The following CCDC85A variants were observed in gnomAD, a reference collection of about 807,000 sequenced individuals.
CCDC85A encodes coiled-coil domain containing 85A.
CCDC85A carries 38 observed loss-of-function variants against 50.2 expected under a neutral mutation model. The ratio of observed to expected loss-of-function variants is 0.76; its 90% CI spans 0.58 to 0.99. The LOEUF (loss-of-function observed/expected upper bound fraction) is 0.99, where lower values mean the gene tolerates loss of function less well. Among genes scored for constraint, CCDC85A ranks in the 50% least tolerant of loss-of-function variants. The pLI is 0.00. For missense variants in CCDC85A, 820 were observed against 742.0 expected (o/e 1.11, Z -1.22); for synonymous variants, 366 against 301.4 (o/e 1.21, Z -2.22).
intron 2 of CCDC85A, among the ~76,000 whole-genome samples, chr2:56,293,788 T>C (rs1267232890): frequency 1.3e-5 from 2 of 152,150 alleles, no homozygotes; most frequent in Non-Finnish European, 2.9e-5. Flanking sequence ...TGGCAATTAT[T>C]AAAAAGTCAA....
chr2:56,231,181 A>G (rs932013521), intron 2 of CCDC85A, among the ~76,000 whole-genome samples: 9 of 152,230 alleles, frequency 5.9e-5, no homozygotes, highest in African/African-American at 2.2e-4. Context: ...ACATTCTCTC[A>G]TGGAAGAATT....
intron 2 of CCDC85A, among the ~76,000 whole-genome samples, chr2:56,209,775 A>G (rs1445731928): frequency 2.6e-5 from 4 of 152,036 alleles, no homozygotes; most frequent in African/African-American, 9.7e-5. Context: ...TCATTCATTT[A>G]TTTATATATT....
At chr2:56,242,089 A>G (rs189488801) in intron 2 of CCDC85A, among the ~76,000 whole-genome samples, 2 of 152,214 alleles carry the variant, frequency 1.3e-5, no homozygotes, top group East Asian at 3.9e-4. Flanking sequence ...AGTGATGTTG[A>G]GCACCTTTTC....
rs1247264051 is a variant in CCDC85A at position 56,312,750 on chromosome 2, G to A, written c.1241-30129G>A. Among the ~76,000 whole-genome samples, 3 of 152,218 alleles carry A rather than the reference G, an allele frequency of 2.0e-5. No homozygotes were observed. In the East Asian group the frequency reaches 5.8e-4, roughly 29 times the overall value. On this transcript the variant is annotated intron_variant, in intron 2 of 5. Coordinates refer to ENST00000407595, the MANE Select transcript of CCDC85A (RefSeq NM_001080433.2). ...ACTTGGCAAAAAGGAAATACTTTCTGTGCAGCACTTTCATTTTAACATTCG... is the reference window on the plus strand; with the variant it reads ...ACTTGGCAAAAAGGAAATACTTTCTATGCAGCACTTTCATTTTAACATTCG...
intron 3 of CCDC85A, among the ~76,000 whole-genome samples, chr2:56,370,521 C>A (rs1272195719): frequency 6.6e-6 from 1 of 151,796 alleles, no homozygotes; most frequent in Non-Finnish European, 1.5e-5. Flanking sequence ...AAGATCTGGC[C>A]CCTGTTTATT....
chr2:56,241,117 G>A (rs1669238206), intron 2 of CCDC85A, among the ~76,000 whole-genome samples: 1 of 151,824 alleles, frequency 6.6e-6, no homozygotes. Flanking sequence ...ATTTTATTAT[G>A]TCTTATTGAC....
intron 2 of CCDC85A, among the ~76,000 whole-genome samples, chr2:56,245,572 C>T (rs896929577): frequency 1.3e-5 from 2 of 152,208 alleles, no homozygotes; most frequent in Non-Finnish European, 2.9e-5. Flanking sequence ...AGATAGTTGT[C>T]ACATTTGGTG....
chr2:56,250,117 G>A (rs914480108), intron 2 of CCDC85A, among the ~76,000 whole-genome samples: 6 of 152,196 alleles, frequency 3.9e-5, no homozygotes, highest in African/African-American at 1.4e-4. Context: ...AGGTTATTGT[G>A]AGAGTGAAGG....
chr2:56,250,281 G>A (rs1175344600), intron 2 of CCDC85A, among the ~76,000 whole-genome samples: 3 of 152,320 alleles, frequency 2.0e-5, no homozygotes, highest in African/African-American at 7.2e-5. Context: ...CAATAAAAAT[G>A]TGCCCTGGAC....
Position 56,184,410 on chromosome 2 carries a change from C to A in CCDC85A, c.-215C>A. On this transcript the variant is annotated 5_prime_UTR_variant, in exon 1 of 6. Coordinates refer to ENST00000407595, the MANE Select transcript of CCDC85A (RefSeq NM_001080433.2). ...TCGGCAGCAGCAAGCGGCTGGCTGC[C>A]GGGCCCTGGGGGAGCGCGGGCGCGC... is the stretch of plus-strand genomic sequence containing the variant. The A allele has an allele frequency of 1.9e-6, 1 of 532,518 alleles. No individual in the cohort carries two copies. Among genetic ancestry groups the A allele is most frequent in the Non-Finnish European group, 2.7e-6 (1 of 365,298 alleles). 33.0% of individuals were successfully genotyped at this position (532,518 alleles called of 1,614,324 possible).
chr2:56,278,073 C>G (rs1671040110), intron 2 of CCDC85A, among the ~76,000 whole-genome samples: 1 of 152,102 alleles, frequency 6.6e-6, no homozygotes, highest in South Asian at 2.1e-4. Context: ...TGGCCTAGAG[C>G]TCAGGACATT....
chr2:56,284,274 A>G (rs1020552786), intron 2 of CCDC85A, among the ~76,000 whole-genome samples: 9 of 152,132 alleles, frequency 5.9e-5, no homozygotes, highest in Non-Finnish European at 8.8e-5. Flanking sequence ...CTCTTTCTTG[A>G]TTGATATTCT....
rs1676752025 is a variant in CCDC85A at position 56,384,745 on chromosome 2, T to G, written c.*390T>G. On this transcript the variant is annotated 3_prime_UTR_variant, in exon 6 of 6. Coordinates refer to ENST00000407595, the MANE Select transcript of CCDC85A (RefSeq NM_001080433.2). ...CCTCAGTGTTTTGAATAGAGATGAC[T>G]CATTACACATAATGGTAGGAGTTTT... The G allele has an allele frequency of 6.1e-6, 1 of 164,724 alleles. No homozygotes were observed. Among genetic ancestry groups the G allele is most frequent in the Non-Finnish European group, 1.3e-5 (1 of 74,606 alleles). The allele number at this position is 164,724 out of a possible 1,614,324, so 10.2% of individuals were successfully genotyped here. A position where few individuals can be genotyped will look rare whatever the true frequency, so the allele number is the denominator to read the frequency against.
At chr2:56,335,661 G>A (rs1051252783) in intron 2 of CCDC85A, among the ~76,000 whole-genome samples, 3 of 151,364 alleles carry the variant, frequency 2.0e-5, no homozygotes, top group South Asian at 2.1e-4. Context: ...GAGTGCAGTG[G>A]CACAATCTGG....
At chr2:56,348,655 G>C (rs774867487) in intron 3 of CCDC85A, among the ~76,000 whole-genome samples, 1 of 152,154 alleles carries the variant, frequency 6.6e-6, no homozygotes, top group African/African-American at 2.4e-5. Context: ...AGGAGCTAAA[G>C]AAATCAAGCT....
chr2:56,342,001 A>C (rs1467705356), intron 2 of CCDC85A, among the ~76,000 whole-genome samples: 1 of 150,534 alleles, frequency 6.6e-6, no homozygotes, highest in African/African-American at 2.4e-5. Flanking sequence ...TTTTTTTTTT[A>C]ATGTAGCTTT....
At chr2:56,326,926 T>C (rs1558642877) in intron 2 of CCDC85A, among the ~76,000 whole-genome samples, 2 of 152,132 alleles carry the variant, frequency 1.3e-5, no homozygotes, top group Non-Finnish European at 2.9e-5. Flanking sequence ...AAGGAAGTAC[T>C]TTTAAAGAAG....
intron 1 of CCDC85A, among the ~76,000 whole-genome samples, chr2:56,186,201 C>T (rs1558572664): frequency 6.6e-6 from 1 of 152,166 alleles, no homozygotes; most frequent in African/African-American, 2.4e-5. Flanking sequence ...CCAAGGCTTA[C>T]TCTCTCCTGT....
At chr2:56,269,150 A>C (rs542544316) in intron 2 of CCDC85A, among the ~76,000 whole-genome samples, 1 of 152,278 alleles carries the variant, frequency 6.6e-6, no homozygotes, top group African/African-American at 2.4e-5. Context: ...TTTGGGCCAC[A>C]ACACAAGGGT....
Sources: gnomAD v4.1 joint callset for allele counts (sites outside exome capture counted in the v4.1 genomes callset) on GRCh38, gnomAD v4.1.1 for gene constraint, MANE v1.5 for transcripts, NCBI Gene and HGNC (gene_info 2026-07-23, HGNC 2026-07-21) for gene names.